The following LRATD1 variants were observed in gnomAD, a reference collection of about 807,000 sequenced individuals.
LRATD1 encodes the protein LRAT domain containing 1.
In LRATD1, 8 loss-of-function variants were observed where a neutral mutation model predicts 21.3. That is an observed-to-expected ratio of 0.38 (90% CI 0.22 to 0.68). The LOEUF (loss-of-function observed/expected upper bound fraction) is 0.68, where lower values mean the gene tolerates loss of function less well. Among genes scored for constraint, LRATD1 ranks in the 30% least tolerant of loss-of-function variants. LRATD1 has a pLI of 0.54. For synonymous variants in LRATD1, 210 were observed against 186.2 expected, an observed-to-expected ratio of 1.13 and a Z score of -1.04; for missense variants, 380 against 404.0, an observed-to-expected ratio of 0.94 and a Z score of 0.51.
At chr2:14,642,186 G>A (rs1319461129), downstream of LRATD1, 5 of 152,590 alleles carry the variant, frequency 3.3e-5, no homozygotes, top group Non-Finnish European at 5.9e-5. Flanking sequence ...GAATCATACA[G>A]TAGAAATTTA....
chr2:14,645,138 T>C (rs1671872254), intron 2 of LRATD1, among the ~76,000 whole-genome samples: 1 of 152,204 alleles, frequency 6.6e-6, no homozygotes, highest in African/African-American at 2.4e-5. Flanking sequence ...AATCTGAGCC[T>C]CTTGTCCAAA....
rs765580178 is a variant in LRATD1, at chr2:14,634,055, A to C, written c.76A>C (p.Lys26Gln). 1.2e-6 allele frequency: 2 copies of C among 1,614,132 alleles called. No individual in the cohort carries two copies. Among genetic ancestry groups the C allele is most frequent in the South Asian group, 2.2e-5 (2 of 91,076 alleles). ...LPTGDPSGIE[K>Q]DELRVGVAYF... ...CACAGGGGACCCGTCGGGGATTGAA[A>C]AGGACGAACTGCGGGTCGGGGTTGC... Residue 26 changes from lysine (K) to glutamine (Q), a missense_variant, in exon 2 of 2, where the codon AAG becomes CAG. By Grantham distance (53) the Lys-to-Gln change is moderately conservative. Coordinates refer to ENST00000295092, the MANE Select transcript of LRATD1 (RefSeq NM_145175.4).
chr2:14,635,308 C>T lies in LRATD1; in HGVS notation c.*450C>T, dbSNP rs1442506668. ...ACCGGTCGGAGGCGAGAACTGGTCT[C>T]TACAGGGCACAGTTCAGCTCCTCTG... On this transcript the variant is annotated 3_prime_UTR_variant, in exon 2 of 2. Transcript: ENST00000295092. 4.1e-6 allele frequency: 2 copies of T among 485,138 alleles called. No individual in the cohort carries two copies. Among genetic ancestry groups the T allele is most frequent in the Non-Finnish European group, 8.4e-6 (2 of 237,054 alleles). The allele number at this position is 485,138 out of a possible 1,614,324, so 30.1% of individuals were successfully genotyped here.
downstream of LRATD1, among the ~76,000 whole-genome samples, chr2:14,642,682 T>C (rs1449914020): frequency 6.6e-6 from 1 of 152,058 alleles, no homozygotes; most frequent in Admixed American, 6.5e-5. Flanking sequence ...TCACCTTGCC[T>C]GACCTTCCAG....
In LRATD1 at chr2:14,634,747, C is replaced by T. The variant is rs190859188; in HGVS notation, c.768C>T (p.Thr256=). The T allele has an allele frequency of 6.4e-7, 1 of 1,573,374 alleles. No individual in the cohort carries two copies. The highest frequency in any genetic ancestry group is 1.8e-5 in the Admixed American group (1 of 55,554). ...ACCTGGGAGAGAACAAGGTCCACAC[C>T]GCCAGGTTTCACAGCCTGGAAGACC... The part of the protein sequence containing the change: ...KVHLGENKVH[T]ARFHSLEDLI... Residue 256 remains threonine, a synonymous_variant, in exon 2 of 2, where the codon ACC becomes ACT. Coordinates refer to ENST00000295092, the MANE Select transcript of LRATD1 (RefSeq NM_145175.4).
At position 14,636,690 on chromosome 2, in the gene LRATD1, G is replaced by T. The variant is rs1005847190; in HGVS notation, c.*1832G>T. The T allele has an allele frequency of 6.0e-6, 1 of 167,132 alleles. No homozygotes were observed. Among genetic ancestry groups the T allele is most frequent in the African/African-American group, 2.4e-5 (1 of 41,472 alleles). 10.4% of individuals were successfully genotyped at this position (167,132 alleles called of 1,614,324 possible). On this transcript the variant is annotated 3_prime_UTR_variant, in exon 2 of 2. Transcript: ENST00000295092. ...AAATAATGCTGTTTAGCTAATTGTT[G>T]CAAGCAATTGCATATTAACAGCTGT...
chr2:14,633,567 G>T lies in LRATD1; in HGVS notation c.-36-377G>T, dbSNP rs1007879415. On this transcript the variant is annotated intron_variant, in intron 1 of 1. Transcript: ENST00000295092. The surrounding 1 kb of genome is among the most constrained non-coding windows in gnomAD (Gnocchi z 7.5). ...CTTGCTCCCAGCTCACTGGCCTTAGGCTCCCTTCTCCCTTTCAGCCCACCC... is the reference window on the plus strand; with the variant it reads ...CTTGCTCCCAGCTCACTGGCCTTAGTCTCCCTTCTCCCTTTCAGCCCACCC... 2 of 194,732 alleles carry T rather than the reference G, an allele frequency of 1.0e-5. No individual in the cohort carries two copies. Among genetic ancestry groups the T allele is most frequent in the Admixed American group, 5.3e-5 (1 of 18,764 alleles). The allele number at this position is 194,732 out of a possible 1,614,324, so 12.1% of individuals were successfully genotyped here.
rs778287783 is a variant in LRATD1, at chr2:14,634,188, GCCA to G, written c.221_223del (p.His74del). 5.0e-6 allele frequency: 8 copies of G among 1,612,944 alleles called. No individual in the cohort carries two copies. The highest frequency in any genetic ancestry group is 1.1e-5 in the South Asian group (1 of 91,024). ...ACCCCCTGCCCGGAGAGCCCCAGCC[GCCA>G]CCACCACCACCTGCTGCACCAGCTG... On this transcript the variant is annotated inframe_deletion, in exon 2 of 2. Coordinates refer to ENST00000295092, the MANE Select transcript of LRATD1 (RefSeq NM_145175.4).
Position 14,635,497 on chromosome 2 carries a change from C to A in LRATD1, c.*639C>A, listed in dbSNP as rs1481449882. ...AGGTCTCCTGACATTGTGTTCCAGG[C>A]TGCGGGCTAAGCCAGACAGTGTTTG... On this transcript the variant is annotated 3_prime_UTR_variant, in exon 2 of 2. Transcript: ENST00000295092. 2.1e-6 allele frequency: 1 copy of A among 471,140 alleles called. No individual in the cohort carries two copies. The highest frequency in any genetic ancestry group is 4.4e-6 in the Non-Finnish European group (1 of 227,084). The allele number at this position is 471,140 out of a possible 1,614,324, so 29.2% of individuals were successfully genotyped here. A position where few individuals can be genotyped will look rare whatever the true frequency, so the allele number is the denominator to read the frequency against.
Position 14,634,508 on chromosome 2 carries a change from G to T in LRATD1, c.529G>T (p.Val177Leu). Residue 177 changes from valine (V) to leucine (L), a missense_variant, in exon 2 of 2, where the codon GTG becomes TTG. Coordinates refer to ENST00000295092, the MANE Select transcript of LRATD1 (RefSeq NM_145175.4). ...GGCGGGCGCGGCCAACGTGGGCCGGGTGGTGAATAGCTGGTACCGCTACCG... is the reference window on the plus strand; with the variant it reads ...GGCGGGCGCGGCCAACGTGGGCCGGTTGGTGAATAGCTGGTACCGCTACCG... ...YEAGAANVGR[V>L]VNSWYRYRPL... The T allele has an allele frequency of 6.6e-7, 1 of 1,506,548 alleles. No individual in the cohort carries two copies. The highest frequency in any genetic ancestry group is 8.9e-7 in the Non-Finnish European group (1 of 1,129,240). The allele number at this position is 1,506,548 out of a possible 1,614,324, so 93.3% of individuals were successfully genotyped here.
downstream of LRATD1, chr2:14,649,666 G>C: frequency 3.9e-6 from 1 of 257,474 alleles, no homozygotes; most frequent in South Asian, 4.8e-5. Flanking sequence ...TGCTAGGCCT[G>C]AGGTGAGATA....
Position 14,633,822 on chromosome 2 carries a change from G to A in LRATD1, c.-36-122G>A, listed in dbSNP as rs1163134396. 2.0e-6 allele frequency: 2 copies of A among 983,720 alleles called. No homozygotes were observed. Among genetic ancestry groups the A allele is most frequent in the Non-Finnish European group, 3.0e-6 (2 of 675,884 alleles). 60.9% of individuals were successfully genotyped at this position (983,720 alleles called of 1,614,324 possible). A position where few individuals can be genotyped will look rare whatever the true frequency, so the allele number is the denominator to read the frequency against. On this transcript the variant is annotated intron_variant, in intron 1 of 1. Coordinates refer to ENST00000295092, the MANE Select transcript of LRATD1 (RefSeq NM_145175.4). This position sits in a 1 kb window ranked among gnomAD's most constrained non-coding sequence, Gnocchi z 7.5. Reference sequence around the variant, plus strand: ...CACGGAGGACTCGGCTGGAAAGGGTGACTCCGGTGAGGGCACGTAAGCTAG... The same window carrying A: ...CACGGAGGACTCGGCTGGAAAGGGTAACTCCGGTGAGGGCACGTAAGCTAG...
In LRATD1 at chr2:14,635,056, GA is replaced by G; in HGVS notation, c.*201del. On this transcript the variant is annotated 3_prime_UTR_variant, in exon 2 of 2. Transcript: ENST00000295092. ...AAGTCTCAGGAACTGCCCCAGGGCC[GA>G]AAGGGCGCCGCTGCGAGCGCCTGGC... The G allele has an allele frequency of 1.2e-6, 1 of 831,434 alleles. No homozygotes were observed. The highest frequency in any genetic ancestry group is 2.0e-6 in the Non-Finnish European group (1 of 497,474). 51.5% of individuals were successfully genotyped at this position (831,434 alleles called of 1,614,324 possible).
In LRATD1 at chr2:14,634,370, C is replaced by T; in HGVS notation, c.391C>T (p.Leu131=). The T allele has an allele frequency of 6.4e-7, 1 of 1,564,920 alleles. No homozygotes were observed. Among genetic ancestry groups the T allele is most frequent in the South Asian group, 1.1e-5 (1 of 87,042 alleles). ...CGGCGACCTGCTGGAGCTGCTGTGG[C>T]TGCAGCCCGCGCCGGAGCCGCCCGC... The part of the protein sequence containing the change: ...EPGDLLELLW[L]QPAPEPPAPA... The change falls in exon 2 of 2, where the codon CTG becomes TTG. Residue 131 remains leucine (L), a synonymous_variant. Coordinates refer to ENST00000295092, the MANE Select transcript of LRATD1 (RefSeq NM_145175.4).
chr2:14,647,912 C>T (rs1167065810), intron 4 of LRATD1, among the ~76,000 whole-genome samples: 1 of 152,140 alleles, frequency 6.6e-6, no homozygotes, highest in African/African-American at 2.4e-5. Context: ...CAGCTGTGTT[C>T]CCATGGCCAG....
intron 4 of LRATD1, chr2:14,649,184 C>A: frequency 2.3e-6 from 1 of 435,594 alleles, no homozygotes; most frequent in Non-Finnish European, 4.6e-6. Flanking sequence ...AGAGCATGAG[C>A]ATGTGTAGGG....
In LRATD1 at chr2:14,636,794, G is replaced by T. The variant is rs1305143239; in HGVS notation, c.*1936G>T. ...AAATAATGCAATAAAAACTAGTTGA[G>T]GTTAGCTGAGGCTGGAAATGCCTTT... On this transcript the variant is annotated 3_prime_UTR_variant, in exon 2 of 2. Transcript: ENST00000295092. 3 of 167,090 alleles carry T rather than the reference G, an allele frequency of 1.8e-5. No individual in the cohort carries two copies. Among genetic ancestry groups the T allele is most frequent in the Non-Finnish European group, 4.4e-5 (3 of 68,114 alleles). 10.4% of individuals were successfully genotyped at this position (167,090 alleles called of 1,614,324 possible). A position where few individuals can be genotyped will look rare whatever the true frequency, so the allele number is the denominator to read the frequency against.
At chr2:14,647,572 A>G (rs1671916778) in intron 4 of LRATD1, among the ~76,000 whole-genome samples, 2 of 152,156 alleles carry the variant, frequency 1.3e-5, no homozygotes, top group Admixed American at 6.5e-5. Flanking sequence ...GTGTTAGGTC[A>G]TGAGGGTGGA....
In LRATD1 at chr2:14,635,075, C is replaced by A; in HGVS notation, c.*217C>A. Reference sequence around the variant, plus strand: ...AGGGCCGAAAGGGCGCCGCTGCGAGCGCCTGGCTGACAGCCACAGCGGTGG... The same window carrying A: ...AGGGCCGAAAGGGCGCCGCTGCGAGAGCCTGGCTGACAGCCACAGCGGTGG... On this transcript the variant is annotated 3_prime_UTR_variant, in exon 2 of 2. Transcript: ENST00000295092. The A allele has an allele frequency of 1.3e-6, 1 of 753,106 alleles. No homozygotes were observed. The highest frequency in any genetic ancestry group is 1.5e-5 in the South Asian group (1 of 65,346). 46.7% of individuals were successfully genotyped at this position (753,106 alleles called of 1,614,324 possible). A position where few individuals can be genotyped will look rare whatever the true frequency, so the allele number is the denominator to read the frequency against.
Sources: allele counts gnomAD v4.1 joint callset (sites outside exome capture counted in the v4.1 genomes callset), GRCh38; gene constraint gnomAD v4.1.1; non-coding constraint Gnocchi (gnomAD v3.1); transcripts MANE v1.5; gene names NCBI Gene and HGNC (gene_info 2026-07-23, HGNC 2026-07-21).